IL7R: variants seen among roughly 807,000 people sequenced by gnomAD.
The protein encoded by IL7R is interleukin 7 receptor.
A neutral mutation model predicts 47.0 loss-of-function variants in IL7R; 38 were observed. That is an observed-to-expected ratio of 0.81 (90% CI 0.62 to 1.06). The LOEUF is 1.06. Among genes scored for constraint, IL7R ranks in the 50% least tolerant of loss-of-function variants. The probability of loss-of-function intolerance (pLI) is 0.00; values close to 1 mark genes in which losing one functional copy is unlikely to be tolerated. For missense variants in IL7R, 633 were observed against 534.8 expected, an observed-to-expected ratio of 1.18 and a Z score of -1.81; for synonymous variants, 221 against 199.8, an observed-to-expected ratio of 1.11 and a Z score of -0.89.
rs201093124 is a variant in IL7R at position 35,876,096 on chromosome 5, G to A, written c.990G>A (p.Gln330=). 11 of 1,614,040 alleles carry A rather than the reference G, an allele frequency of 6.8e-6. No homozygotes were observed. Among genetic ancestry groups the A allele is most frequent in the Non-Finnish European group, 8.5e-6 (10 of 1,180,026 alleles). Residue 330 remains glutamine, a synonymous_variant, in exon 8 of 8, where the codon CAG becomes CAA. Transcript: ENST00000303115. ...VEGFLQDTFP[Q]QLEESEKQRL... ...GTTTTCTGCAAGATACGTTTCCTCA[G>A]CAACTAGAAGAATCTGAGAAGCAGA...
rs148931962 is a variant in IL7R, at chr5:35,876,422, C to G, written c.1316C>G (p.Thr439Ser). 2.9e-4 allele frequency: 473 copies of G among 1,611,536 alleles called. 1 individual carries two copies. The Middle Eastern group carries it at 5.4e-3, about 19-fold the overall frequency. Residue 439 changes from threonine to serine, a missense_variant, in exon 8 of 8, where the codon ACT (threonine) becomes AGT (serine). Coordinates refer to ENST00000303115, the MANE Select transcript of IL7R (RefSeq NM_002185.5). ...NPVAQGQPIL[T>S]SLGSNQEEAY... ...GTTGCTCAGGGTCAGCCCATTCTTACTTCCCTGGGATCAAATCAAGAAGAA... is the reference window on the plus strand; with the variant it reads ...GTTGCTCAGGGTCAGCCCATTCTTAGTTCCCTGGGATCAAATCAAGAAGAA...
In IL7R at chr5:35,867,381, C is replaced by T; in HGVS notation, c.297C>T (p.Phe99=). ...QEIYFIETKK[F]LLIGKSNICV... ...TATATTTCATCGAGACAAAGAAATT[C>T]TTACTGATTGGAAAGAGCAATATAT... The change falls in exon 3 of 8, where the codon TTC becomes TTT. Residue 99 remains phenylalanine, a synonymous_variant. Transcript: ENST00000303115. 1.2e-6 allele frequency: 2 copies of T among 1,613,418 alleles called. No homozygotes were observed. Among genetic ancestry groups the T allele is most frequent in the Non-Finnish European group, 1.7e-6 (2 of 1,179,482 alleles).
At chr5:35,863,143 T>G (rs1257932300) in intron 2 of IL7R, among the ~76,000 whole-genome samples, 2 of 152,030 alleles carry the variant, frequency 1.3e-5, no homozygotes, top group African/African-American at 2.4e-5. Flanking sequence ...GCCTAAACAA[T>G]CGCACACTCT....
In IL7R at chr5:35,877,208, C is replaced by T. The variant is rs370147033; in HGVS notation, c.*722C>T. On this transcript the variant is annotated 3_prime_UTR_variant, in exon 8 of 8. Transcript: ENST00000303115. ...GTTTGGAAAGTGAAAGGGAAACTTACATATAATCCCTCCGGGACAATGAGC... is the reference window on the plus strand; with the variant it reads ...GTTTGGAAAGTGAAAGGGAAACTTATATATAATCCCTCCGGGACAATGAGC... 1 of 233,324 alleles carries T rather than the reference C, an allele frequency of 4.3e-6. No homozygotes were observed. Among genetic ancestry groups the T allele is most frequent in the East Asian group, 6.0e-5 (1 of 16,580 alleles). 14.5% of individuals were successfully genotyped at this position (233,324 alleles called of 1,614,324 possible).
intron 2 of IL7R, among the ~76,000 whole-genome samples, chr5:35,861,405 G>C (rs541424080): frequency 7.9e-5 from 12 of 152,244 alleles, no homozygotes; most frequent in African/African-American, 2.9e-4. Context: ...TTTTGACCTA[G>C]AGAAAGTTAT....
At chr5:35,867,502 G>A in intron 3 of IL7R, 39 bp downstream of exon 3, 2 of 1,559,552 alleles carry the variant, frequency 1.3e-6, no homozygotes, top group Non-Finnish European at 1.8e-6. Flanking sequence ...GTCACTTTTG[G>A]GCTACCTGAA....
Position 35,878,774 on chromosome 5 carries a change from T to G in IL7R, c.*2288T>G, listed in dbSNP as rs544035476. On this transcript the variant is annotated 3_prime_UTR_variant, in exon 8 of 8. Coordinates refer to ENST00000303115, the MANE Select transcript of IL7R (RefSeq NM_002185.5). ...AAATTACCCAACCTCACACGTTAAG[T>G]CAGAACTGGGAGCCATAATTTTGTA... 1 of 233,024 alleles carries G rather than the reference T, an allele frequency of 4.3e-6. No individual in the cohort carries two copies. Among genetic ancestry groups the G allele is most frequent in the South Asian group, 1.8e-4 (1 of 5,514 alleles). The allele number at this position is 233,024 out of a possible 1,614,324, so 14.4% of individuals were successfully genotyped here.
In IL7R at chr5:35,860,082, T is replaced by A. The variant is rs1759762169; in HGVS notation, c.83-770T>A. ...AAAGTAATAGCAAAAAAAAAAAAAA[T>A]CTGGTTCCCCACTTTCTTCCAGCAT... On this transcript the variant is annotated intron_variant, in intron 1 of 7. Coordinates refer to ENST00000303115, the MANE Select transcript of IL7R (RefSeq NM_002185.5). Among the ~76,000 whole-genome samples, 4 of 147,042 alleles carry A rather than the reference T, an allele frequency of 2.7e-5. No individual in the cohort carries two copies. In the South Asian group the frequency reaches 8.6e-4, roughly 31 times the overall value.
At position 35,878,066 on chromosome 5, in the gene IL7R, T is replaced by C. The variant is rs1760259970; in HGVS notation, c.*1580T>C. The C allele has an allele frequency of 8.6e-6, 2 of 233,226 alleles. No homozygotes were observed. Among genetic ancestry groups the C allele is most frequent in the Non-Finnish European group, 1.7e-5 (2 of 118,094 alleles). The allele number at this position is 233,226 out of a possible 1,614,324, so 14.4% of individuals were successfully genotyped here. ...GTTTCTGATATTTTAGTTTTCTTGT[T>C]TGTTTTGTTTTGTGTTGTCTGTGAA... On this transcript the variant is annotated 3_prime_UTR_variant, in exon 8 of 8. Coordinates refer to ENST00000303115, the MANE Select transcript of IL7R (RefSeq NM_002185.5).
At position 35,876,486 on chromosome 5, in the gene IL7R, A is replaced by G; in HGVS notation, c.1380A>G (p.Ter460TrpextTer7). 1 of 1,601,452 alleles carries G rather than the reference A, an allele frequency of 6.2e-7. No homozygotes were observed. The change falls in exon 8 of 8, where the codon TGA becomes TGG. Residue 460 changes from the stop codon to tryptophan, a stop_lost. Transcript: ENST00000303115. ...VTMSSFYQNQ* is the reference protein window; with the variant it reads ...VTMSSFYQNQW ...TGTCCAGCTTCTACCAAAACCAGTG[A>G]AGTGTAAGAAACCCAGACTGAACTT...
At position 35,873,506 on chromosome 5, in the gene IL7R, G is replaced by A. The variant is rs868317020; in HGVS notation, c.564G>A (p.Leu188=). The change falls in exon 5 of 8, where the codon CTG becomes CTA. Residue 188 remains leucine, a synonymous_variant. Transcript: ENST00000303115. Reference sequence around the variant, plus strand: ...ATGTGAATTTATCCAGCACAAAGCTGACACTCCTGCAGAGAAAGCTCCAAC... The same window carrying A: ...ATGTGAATTTATCCAGCACAAAGCTAACACTCCTGCAGAGAAAGCTCCAAC... ...WTHVNLSSTK[L]TLLQRKLQPA... The A allele has an allele frequency of 6.2e-7, 1 of 1,614,044 alleles. No homozygotes were observed. The highest frequency in any genetic ancestry group is 8.5e-7 in the Non-Finnish European group (1 of 1,179,944).
At chr5:35,863,105 A>C (rs942381909) in intron 2 of IL7R, among the ~76,000 whole-genome samples, 6 of 152,156 alleles carry the variant, frequency 3.9e-5, no homozygotes, top group Non-Finnish European at 8.8e-5. Flanking sequence ...TTTGAGACAC[A>C]CACACACATA....
chr5:35,869,446 A>T (rs1328011404), intron 3 of IL7R, among the ~76,000 whole-genome samples: 3 of 152,230 alleles, frequency 2.0e-5, no homozygotes, highest in African/African-American at 7.2e-5. Flanking sequence ...GTAACAAGGT[A>T]GAGAAACAAA....
Position 35,875,062 on chromosome 5 carries a change from A to C in IL7R, c.801-450A>C, listed in dbSNP as rs538943790. Among the ~76,000 whole-genome samples the C allele has an allele frequency of 9.2e-4, 140 of 152,320 alleles. 1 individual carries two copies. The highest frequency in any genetic ancestry group is 1.0e-3 in the Non-Finnish European group (68 of 68,026). On this transcript the variant is annotated intron_variant, in intron 6 of 7. Coordinates refer to ENST00000303115, the MANE Select transcript of IL7R (RefSeq NM_002185.5). ...AAGTACTGCCTGGAAAGTACTAAGC[A>C]ATTTCCCTGGGTAATTTGAAAATAT... is the stretch of plus-strand genomic sequence containing the variant.
intron 4 of IL7R, 117 bp downstream of exon 4, chr5:35,871,330 C>G: frequency 1.3e-6 from 1 of 763,266 alleles, no homozygotes. Context: ...AATCTACCTT[C>G]TACTGAAAGA....
Position 35,873,622 on chromosome 5 carries a change from G to C in IL7R, c.680G>C (p.Arg227Thr). ...GAATGGAGTCCAAGTTATTACTTCA[G>C]AACTCCAGAGATCAATAATAGCTCA... ...WSEWSPSYYF[R>T]TPEINNSSGE... Residue 227 changes from arginine (R) to threonine (T), a missense_variant, in exon 5 of 8, where the codon AGA (arginine) becomes ACA (threonine). By Grantham distance (71) the Arg-to-Thr change is moderately conservative. Coordinates refer to ENST00000303115, the MANE Select transcript of IL7R (RefSeq NM_002185.5). 6.2e-7 allele frequency: 1 copy of C among 1,614,030 alleles called. No homozygotes were observed. Among genetic ancestry groups the C allele is most frequent in the Non-Finnish European group, 8.5e-7 (1 of 1,179,912 alleles).
At chr5:35,875,705 C>T in intron 7 of IL7R, 118 bp downstream of exon 7, 1 of 861,558 alleles carries the variant, frequency 1.2e-6, no homozygotes, top group South Asian at 1.4e-5. Context: ...CATCCTGTAA[C>T]TAGGGTCCCT....
intron 2 of IL7R, among the ~76,000 whole-genome samples, chr5:35,861,849 G>T (rs926668420): frequency 6.6e-6 from 1 of 152,074 alleles, no homozygotes; most frequent in African/African-American, 2.4e-5. Flanking sequence ...CTGACCTGAG[G>T]CTATCTCCAA....
intron 3 of IL7R, among the ~76,000 whole-genome samples, chr5:35,868,225 A>G (rs963173898): frequency 5.3e-5 from 8 of 152,126 alleles, no homozygotes; most frequent in Admixed American, 6.5e-5. Context: ...AATCTACTTT[A>G]CTCAAAGTTT....
Sources: allele counts gnomAD v4.1 joint callset (sites outside exome capture counted in the v4.1 genomes callset), GRCh38; gene constraint gnomAD v4.1.1; transcripts MANE v1.5; gene names NCBI Gene and HGNC (gene_info 2026-07-23, HGNC 2026-07-21).